The following KCNC2 variants were observed in gnomAD, a reference collection of about 807,000 sequenced individuals.
The protein encoded by KCNC2 is voltage-gated potassium channel KCNC2.
KCNC2 carries 21 observed loss-of-function variants against 44.5 expected under a neutral mutation model. That is an observed-to-expected ratio of 0.47 (90% confidence interval 0.33 to 0.68). The LOEUF (loss-of-function observed/expected upper bound fraction) is 0.68. Ranked by LOEUF, KCNC2 falls within the 30% of genes least tolerant of loss-of-function variation. KCNC2 has a pLI of 0.01. For synonymous variants in KCNC2, 391 were observed against 339.1 expected (o/e 1.15, Z -1.68); for missense variants, 589 against 826.2 (o/e 0.71, Z 3.52).
Position 75,051,331 on chromosome 12 carries a change from A to C in KCNC2, c.688-14T>G, listed in dbSNP as rs768567344. 2 of 1,455,674 alleles carry C rather than the reference A, an allele frequency of 1.4e-6. No individual in the cohort carries two copies. The highest frequency in any genetic ancestry group is 2.6e-5 in the South Asian group (2 of 77,724). 90.2% of individuals were successfully genotyped at this position (1,455,674 alleles called of 1,614,324 possible). On this transcript the variant is annotated splice_polypyrimidine_tract_variant and intron_variant, in intron 2 of 4. Transcript: ENST00000549446. ...AAAAGCAATAAACTGTAGAGGAAAA[A>C]GAAATAAAAAAACCCATAGTGATCT...
chr12:75,060,974 C>T (rs1054094882), intron 2 of KCNC2, among the ~76,000 whole-genome samples: 6 of 152,124 alleles, frequency 3.9e-5, no homozygotes, highest in Non-Finnish European at 7.4e-5. Context: ...TCAGTAATCA[C>T]ACAGTCTTTT....
At chr12:75,117,066 T>C (rs941157364) in intron 2 of KCNC2, among the ~76,000 whole-genome samples, 2 of 150,180 alleles carry the variant, frequency 1.3e-5, no homozygotes, top group Admixed American at 6.6e-5. Context: ...TCACCAGTAA[T>C]TGGGCTTTCT....
chr12:75,124,499 G>C (rs552875795), intron 2 of KCNC2, among the ~76,000 whole-genome samples: 1 of 152,164 alleles, frequency 6.6e-6, no homozygotes, highest in East Asian at 1.9e-4. Flanking sequence ...CAAAATAATG[G>C]GCTCTGGATA....
chr12:75,122,701 A>T (rs1888129848), intron 2 of KCNC2, among the ~76,000 whole-genome samples: 1 of 152,172 alleles, frequency 6.6e-6, no homozygotes, highest in Non-Finnish European at 1.5e-5. Context: ...CAGCAAGTAC[A>T]AACATGTTTT....
intron 2 of KCNC2, among the ~76,000 whole-genome samples, chr12:75,172,034 A>G (rs1355410814): frequency 2.0e-5 from 3 of 151,836 alleles, no homozygotes; most frequent in South Asian, 4.1e-4. Context: ...ATAAAAATAA[A>G]TAGCCATCAC....
chr12:75,204,449 T>C (rs1027253985), intron 2 of KCNC2, among the ~76,000 whole-genome samples: 5 of 151,864 alleles, frequency 3.3e-5, no homozygotes, highest in African/African-American at 1.2e-4. Flanking sequence ...CTTTCAATAT[T>C]GGAGAAAAAA....
chr12:75,186,075 A>G (rs1050680161), intron 2 of KCNC2, among the ~76,000 whole-genome samples: 3 of 150,518 alleles, frequency 2.0e-5, no homozygotes, highest in Non-Finnish European at 3.0e-5. Context: ...AAATAAATAA[A>G]TAAATAAATA....
intron 2 of KCNC2, among the ~76,000 whole-genome samples, chr12:75,058,388 T>A (rs185977213): frequency 5.5e-4 from 83 of 152,182 alleles, no homozygotes; most frequent in Non-Finnish European, 1.0e-3. Context: ...CTTGGTATGA[T>A]ATGAACTGCT....
chr12:75,052,915 C>A (rs1484718457), intron 2 of KCNC2, among the ~76,000 whole-genome samples: 2 of 152,132 alleles, frequency 1.3e-5, no homozygotes, highest in Non-Finnish European at 2.9e-5. Context: ...TTGACTTGCT[C>A]TTTCATGCAC....
chr12:75,085,042 A>G (rs977678226), intron 2 of KCNC2, among the ~76,000 whole-genome samples: 1 of 151,318 alleles, frequency 6.6e-6, no homozygotes, highest in Non-Finnish European at 1.5e-5. Context: ...CACAAAAAAA[A>G]GGACATCATC....
intron 2 of KCNC2, among the ~76,000 whole-genome samples, chr12:75,076,260 TTTA>T (rs1240921834): frequency 2.0e-5 from 3 of 151,944 alleles, no homozygotes; most frequent in African/African-American, 7.2e-5. Flanking sequence ...TTTATTTTAT[TTTA>T]TTATTTTATT....
At chr12:75,130,796 A>G (rs1169081273) in intron 2 of KCNC2, among the ~76,000 whole-genome samples, 1 of 151,436 alleles carries the variant, frequency 6.6e-6, no homozygotes, top group Non-Finnish European at 1.5e-5. Flanking sequence ...AAAAAAAAAA[A>G]CAATGCACAT....
chr12:75,173,469 C>A (rs1429012921), intron 2 of KCNC2, among the ~76,000 whole-genome samples: 2 of 151,738 alleles, frequency 1.3e-5, no homozygotes, highest in African/African-American at 4.8e-5. Context: ...TCCATAGTTC[C>A]TCATTTCTCA....
intron 2 of KCNC2, among the ~76,000 whole-genome samples, chr12:75,172,719 C>A (rs1408570145): frequency 6.6e-6 from 1 of 151,822 alleles, no homozygotes; most frequent in African/African-American, 2.4e-5. Context: ...CCTTTTACAT[C>A]CTTTCTTAAC....
chr12:75,081,566 G>T (rs753429179), intron 2 of KCNC2, among the ~76,000 whole-genome samples: 1 of 151,742 alleles, frequency 6.6e-6, no homozygotes, highest in Non-Finnish European at 1.5e-5. Context: ...TGGTTGCTGG[G>T]TATAGTTTGC....
At chr12:75,114,567 T>C (rs1044192097) in intron 2 of KCNC2, among the ~76,000 whole-genome samples, 8 of 152,072 alleles carry the variant, frequency 5.3e-5, no homozygotes, top group African/African-American at 1.7e-4. Flanking sequence ...AAGAAAAATA[T>C]ATCGGGGAAA....
At chr12:75,204,814 T>A (rs2031559955) in intron 2 of KCNC2, among the ~76,000 whole-genome samples, 1 of 152,148 alleles carries the variant, frequency 6.6e-6, no homozygotes, top group Non-Finnish European at 1.5e-5. Flanking sequence ...TGACTTATGA[T>A]TACTTTTTTT....
At chr12:75,179,301 G>A (rs1415347682) in intron 2 of KCNC2, among the ~76,000 whole-genome samples, 1 of 151,882 alleles carries the variant, frequency 6.6e-6, no homozygotes, top group Admixed American at 6.6e-5. Flanking sequence ...ACCTTGGAAA[G>A]AGACTATCAT....
chr12:75,147,750 C>G (rs1316033898), intron 2 of KCNC2, among the ~76,000 whole-genome samples: 1 of 152,120 alleles, frequency 6.6e-6, no homozygotes, highest in Non-Finnish European at 1.5e-5. Context: ...CCTAGGGCTT[C>G]TTTCACCACA....
Sources: allele counts gnomAD v4.1 joint callset (sites outside exome capture counted in the v4.1 genomes callset), GRCh38; gene constraint gnomAD v4.1.1; transcripts MANE v1.5; gene names NCBI Gene and HGNC (gene_info 2026-07-23, HGNC 2026-07-21).